ADAMTS17: variants seen among roughly 807,000 people sequenced by gnomAD.
ADAMTS17 encodes the protein A disintegrin and metalloproteinase with thrombospondin motifs 17.
ADAMTS17 carries 113 observed loss-of-function variants against 141.5 expected under a neutral mutation model. The observed-to-expected ratio is 0.80, with a 90% CI of 0.69 to 0.93. The LOEUF (loss-of-function observed/expected upper bound fraction) is 0.93. Ranked by LOEUF, ADAMTS17 falls within the 40% of genes least tolerant of loss-of-function variation. ADAMTS17 has a pLI of 0.00. For synonymous variants in ADAMTS17, 768 were observed against 630.6 expected (o/e 1.22, Z -3.27); for missense variants, 1,659 against 1,517.9 (o/e 1.09, Z -1.54).
chr15:100,207,961 G>C (rs1430380132), intron 7 of ADAMTS17, among the ~76,000 whole-genome samples: 1 of 152,188 alleles, frequency 6.6e-6, no homozygotes, highest in Non-Finnish European at 1.5e-5. Context: ...GGAGGAGTCA[G>C]TTTTAAAAGA....
intron 8 of ADAMTS17, among the ~76,000 whole-genome samples, chr15:100,159,815 G>A (rs1173614273): frequency 6.6e-6 from 1 of 152,232 alleles, no homozygotes; most frequent in Non-Finnish European, 1.5e-5. Context: ...GCACTTGGAA[G>A]CAACGAGGCA....
chr15:100,206,008 T>C (rs751147763), intron 7 of ADAMTS17, among the ~76,000 whole-genome samples: 2 of 152,114 alleles, frequency 1.3e-5, no homozygotes, highest in Non-Finnish European at 2.9e-5. Context: ...TCCCTCTGGG[T>C]CACCTGTCAC....
At position 100,138,929 on chromosome 15, in the gene ADAMTS17, CAAG is replaced by C. The variant is rs36004413; in HGVS notation, c.1474-5617_1474-5615del. Among the ~76,000 whole-genome samples the C allele has an allele frequency of 7.1e-3, 1,080 of 152,132 alleles. 14 individuals are homozygous for C. The highest frequency in any genetic ancestry group is 0.025 in the African/African-American group (1,028 of 41,500). On this transcript the variant is annotated intron_variant, in intron 10 of 21. Transcript: ENST00000268070. Reference sequence around the variant, plus strand: ...ATGCTTTAATATACATTTTAAAAAACAAGAAGGACAAAAATTATCAGTGATTTC... The same window carrying C: ...ATGCTTTAATATACATTTTAAAAAACAAGGACAAAAATTATCAGTGATTTC...
intron 18 of ADAMTS17, among the ~76,000 whole-genome samples, chr15:100,003,246 C>T (rs2060966476): frequency 6.6e-6 from 1 of 152,142 alleles, no homozygotes; most frequent in Non-Finnish European, 1.5e-5. Context: ...CTTCCTTCTA[C>T]TTCCCAGCTC....
At chr15:100,293,697 G>A (rs1454706852) in intron 3 of ADAMTS17, among the ~76,000 whole-genome samples, 20 of 152,114 alleles carry the variant, frequency 1.3e-4, no homozygotes, top group Non-Finnish European at 1.5e-5. Context: ...AGCTATTACT[G>A]TGCACTTTGA....
chr15:100,218,279 A>C (rs2042029234), intron 7 of ADAMTS17, among the ~76,000 whole-genome samples: 1 of 152,246 alleles, frequency 6.6e-6, no homozygotes, highest in African/African-American at 2.4e-5. Flanking sequence ...ACATGTACTG[A>C]AACATACTGC....
chr15:100,058,420 T>C (rs532464976), intron 15 of ADAMTS17, among the ~76,000 whole-genome samples: 50 of 144,242 alleles, frequency 3.5e-4, no homozygotes, highest in Admixed American at 2.5e-3. Flanking sequence ...CCACTGGCCT[T>C]GTTTATGTAT....
chr15:99,999,886 C>T (rs541809911), intron 18 of ADAMTS17, among the ~76,000 whole-genome samples: 3 of 152,272 alleles, frequency 2.0e-5, no homozygotes, highest in East Asian at 3.9e-4. Flanking sequence ...CTCCTTGTCC[C>T]AGAGCACCTC....
At chr15:100,017,466 C>A (rs2061313169) in intron 18 of ADAMTS17, among the ~76,000 whole-genome samples, 1 of 152,204 alleles carries the variant, frequency 6.6e-6, no homozygotes, top group South Asian at 2.1e-4. Context: ...CTCTGGCCTC[C>A]CTCCCGATGG....
intron 18 of ADAMTS17, among the ~76,000 whole-genome samples, chr15:100,027,265 C>CT (rs1161941055): frequency 6.6e-6 from 1 of 152,082 alleles, no homozygotes; most frequent in Non-Finnish European, 1.5e-5. Flanking sequence ...TCTTTTTATT[C>CT]TTTTATTCTA....
chr15:100,053,955 C>T lies in ADAMTS17; in HGVS notation c.2237G>A (p.Arg746Lys), dbSNP rs1401248705. The stretch of plus-strand genomic sequence containing the variant: ...GGCAGAGATCTTCTCCCACAGCCCC[C>T]TTCTCACATAGCGAACAGTTGTGCC... ...IAGTTVRYVR[R>K]GLWEKISAKG... Residue 746 changes from arginine (R) to lysine (K), a missense_variant, in exon 16 of 22, where the codon AGG becomes AAG. Coordinates refer to ENST00000268070, the MANE Select transcript of ADAMTS17 (RefSeq NM_139057.4). 1 of 1,614,192 alleles carries T rather than the reference C, an allele frequency of 6.2e-7. No individual in the cohort carries two copies. Among genetic ancestry groups the T allele is most frequent in the East Asian group, 2.2e-5 (1 of 44,882 alleles).
At chr15:100,306,227 G>T in intron 3 of ADAMTS17, 1 of 318,956 alleles carries the variant, frequency 3.1e-6, no homozygotes, top group South Asian at 2.7e-5. Context: ...GACATTGAGC[G>T]GTGGGGTCTA....
chr15:100,048,249 A>G (rs2031864424), intron 18 of ADAMTS17, among the ~76,000 whole-genome samples: 2 of 152,322 alleles, frequency 1.3e-5, no homozygotes, highest in Admixed American at 1.3e-4. Flanking sequence ...GCCACAACGT[A>G]ATGGATTCAT....
rs757346076 is a variant in ADAMTS17 at position 100,155,325 on chromosome 15, C to A, written c.1182-5G>T. 17 of 1,613,036 alleles carry A rather than the reference C, an allele frequency of 1.1e-5. No individual in the cohort carries two copies. The highest frequency in any genetic ancestry group is 1.2e-5 in the Non-Finnish European group (14 of 1,179,438). On this transcript the variant is annotated splice_region_variant and splice_polypyrimidine_tract_variant and intron_variant, in intron 8 of 21. Transcript: ENST00000268070. ...TCGTCGTGGTTCATGCCCAAGCTGT[C>A]CAAGAAGGAGGAGAGAGGGATGCTT...
Position 100,296,580 on chromosome 15 carries a change from GGT to G in ADAMTS17, c.617-15181_617-15180del, listed in dbSNP as rs59748937. Among the ~76,000 whole-genome samples, 774 of 107,864 alleles carry G rather than the reference GGT, an allele frequency of 7.2e-3. 4 individuals are homozygous for G. The highest frequency in any genetic ancestry group is 0.026 in the African/African-American group (650 of 25,174). 70.8% of individuals were successfully genotyped at this position (107,864 alleles called of 152,430 possible). ...TTTTTGTTTGGAGGGGGTGAGGGGG[GGT>G]GTGTGTGTGTGTGTGTGTGTGTATG... On this transcript the variant is annotated intron_variant, in intron 3 of 21. Transcript: ENST00000268070.
intron 20 of ADAMTS17, among the ~76,000 whole-genome samples, chr15:99,990,047 C>T (rs1416900791): frequency 1.3e-5 from 2 of 152,126 alleles, no homozygotes; most frequent in Non-Finnish European, 2.9e-5. Flanking sequence ...TCTCATGGTT[C>T]GAAGTGCATC....
rs566066131 is a variant in ADAMTS17, at chr15:100,193,498, G to A, written c.1181+5820C>T. On this transcript the variant is annotated intron_variant, in intron 8 of 21. Transcript: ENST00000268070. ...GCATGGCGGAAAGAGATGGTGGCAG[G>A]AATGTGGGCAAGGCCAGAAAGAGCA... Among the ~76,000 whole-genome samples, 8 of 152,296 alleles carry A rather than the reference G, an allele frequency of 5.3e-5. No individual in the cohort carries two copies. The East Asian group carries it at 1.5e-3, about 29-fold the overall frequency.
chr15:100,050,501 G>C (rs977669943), intron 17 of ADAMTS17, among the ~76,000 whole-genome samples: 4 of 152,216 alleles, frequency 2.6e-5, no homozygotes, highest in African/African-American at 9.6e-5. Context: ...AACTGCCGCA[G>C]GGCTGTTGCA....
At chr15:100,142,026 C>T (rs1322356445) in intron 10 of ADAMTS17, among the ~76,000 whole-genome samples, 1 of 152,202 alleles carries the variant, frequency 6.6e-6, no homozygotes, top group Non-Finnish European at 1.5e-5. Flanking sequence ...TGAGCAGTTT[C>T]CTAACTAAGC....
Sources: gnomAD v4.1 joint callset for allele counts (sites outside exome capture counted in the v4.1 genomes callset) on GRCh38, gnomAD v4.1.1 for gene constraint, MANE v1.5 for transcripts, NCBI Gene and HGNC (gene_info 2026-07-23, HGNC 2026-07-21) for gene names.